The following CCDC77 variants were observed in gnomAD, a reference collection of about 807,000 sequenced individuals.
The protein encoded by CCDC77 is coiled-coil domain containing 77.
CCDC77 carries 56 observed loss-of-function variants against 66.8 expected under a neutral mutation model. The observed-to-expected ratio is 0.84, with a 90% CI of 0.68 to 1.05. The LOEUF (loss-of-function observed/expected upper bound fraction) is 1.05, where lower values mean the gene tolerates loss of function less well. Ranked by LOEUF, CCDC77 falls within the 50% of genes least tolerant of loss-of-function variation. The probability of loss-of-function intolerance (pLI) is 0.00; values close to 1 mark genes in which losing one functional copy is unlikely to be tolerated. For synonymous variants in CCDC77, 196 were observed against 195.2 expected (o/e 1.00, Z -0.03); for missense variants, 570 against 576.8 (o/e 0.99, Z 0.12).
chr12:417,684 G>A (rs941026916), intron 4 of CCDC77, among the ~76,000 whole-genome samples: 3 of 152,152 alleles, frequency 2.0e-5, no homozygotes, highest in Non-Finnish European at 4.4e-5. Context: ...GGAGGCCAAG[G>A]TGGGTGGATT....
intron 7 of CCDC77, 58 bp downstream of exon 7, chr12:430,794 G>C (rs1945634764): frequency 7.2e-7 from 1 of 1,398,000 alleles, no homozygotes; most frequent in Non-Finnish European, 1.0e-6. Context: ...AAATCACAGT[G>C]CAGGCTGGGC....
chr12:415,323 TC>T (rs1945208934), intron 4 of CCDC77, among the ~76,000 whole-genome samples: 2 of 85,506 alleles, frequency 2.3e-5, no homozygotes, highest in African/African-American at 4.5e-5. Flanking sequence ...GTTAATATAA[TC>T]AACATAATAT....
In CCDC77 at chr12:390,736, A is replaced by AGC. The variant is rs146102873; in HGVS notation, c.-113+1250_-113+1251insGC. ...AGTCCTTAAAATAAATATCTTTATA[A>AGC]ACACACACACACACACACACACACA... On this transcript the variant is annotated intron_variant, in intron 1 of 11. Coordinates refer to the CCDC77 transcript ENST00000422000. Among the ~76,000 whole-genome samples the AGC allele has an allele frequency of 3.2e-4, 48 of 149,462 alleles. No individual in the cohort carries two copies. The East Asian group carries it at 8.7e-3, about 27-fold the overall frequency.
At chr12:426,102 G>A (rs908246000) in intron 5 of CCDC77, among the ~76,000 whole-genome samples, 2 of 152,014 alleles carry the variant, frequency 1.3e-5, no homozygotes, top group Non-Finnish European at 2.9e-5. Flanking sequence ...CGACCTCGTG[G>A]TCCACCCGCC....
At chr12:428,442 C>T (rs989812628) in intron 5 of CCDC77, among the ~76,000 whole-genome samples, 24 of 132,174 alleles carry the variant, frequency 1.8e-4, no homozygotes, top group Admixed American at 6.4e-4. Flanking sequence ...ACCCGGCAGG[C>T]GGAGGTTGCA....
rs146269284 is a variant in CCDC77, at chr12:416,340, T to TG, written c.271-2149dup. On this transcript the variant is annotated intron_variant, in intron 4 of 12. Coordinates refer to ENST00000239830, the MANE Select transcript of CCDC77 (RefSeq NM_032358.4). ...GTGTGTGTGTGAGTCTGTGGGTGTG[T>TG]GGGGGTGTGTGTGTGTGTGTGTGTG... 1.9e-4 allele frequency among the ~76,000 whole-genome samples: 9 copies of TG among 48,280 alleles called. 1 individual carries two copies. The highest frequency in any genetic ancestry group is 4.6e-4 in the African/African-American group (8 of 17,368). The allele number at this position is 48,280 out of a possible 152,430, so 31.7% of individuals were successfully genotyped here.
At chr12:440,804 C>T (rs781704314) in intron 11 of CCDC77, 40 bp from the exon 12 acceptor site, 1 of 1,612,980 alleles carries the variant, frequency 6.2e-7, no homozygotes, top group Non-Finnish European at 8.5e-7. Context: ...GAAGACGCTT[C>T]CCTCACCTTC....
chr12:441,142 A>C lies in CCDC77; in HGVS notation c.1320+146A>C, dbSNP rs181444650. The C allele has an allele frequency of 1.6e-4, 135 of 825,468 alleles. No individual in the cohort carries two copies. In the East Asian group the frequency reaches 2.0e-3, roughly 12 times the overall value. The allele number at this position is 825,468 out of a possible 1,614,324, so 51.1% of individuals were successfully genotyped here. On this transcript the variant is annotated intron_variant, in intron 12 of 12. Coordinates refer to ENST00000239830, the MANE Select transcript of CCDC77 (RefSeq NM_032358.4). Reference sequence around the variant, plus strand: ...CCATCTTCAAGCCTCCCTGAAAATTAGTTCAAGAACATGCTAGAGGGAAAA... The same window carrying C: ...CCATCTTCAAGCCTCCCTGAAAATTCGTTCAAGAACATGCTAGAGGGAAAA...
intron 6 of CCDC77, 23 bp from the exon 7 acceptor site, chr12:430,640 CA>C: frequency 6.3e-7 from 1 of 1,579,744 alleles, no homozygotes; most frequent in South Asian, 1.1e-5. Context: ...AAGGCTACTT[CA>C]ATACCAGTTT....
intron 2 of CCDC77, among the ~76,000 whole-genome samples, chr12:408,414 T>C (rs995297353): frequency 6.6e-6 from 1 of 152,200 alleles, no homozygotes; most frequent in Admixed American, 6.5e-5. Context: ...TAATTTTTTT[T>C]CTTTTGCTTA....
chr12:433,862 C>T (rs1009283366), intron 9 of CCDC77, among the ~76,000 whole-genome samples: 5 of 152,018 alleles, frequency 3.3e-5, no homozygotes, highest in Non-Finnish European at 7.4e-5. Flanking sequence ...AAATTTTTGT[C>T]CCAAGAAAGG....
At chr12:415,526 AATT>A (rs1033957364) in intron 4 of CCDC77, among the ~76,000 whole-genome samples, 1 of 147,680 alleles carries the variant, frequency 6.8e-6, no homozygotes, top group Non-Finnish European at 1.5e-5. Context: ...ATATTAACAT[AATT>A]ATTAACATAA....
At chr12:401,498 C>T (rs550291374), upstream of CCDC77, 2 of 152,396 alleles carry the variant, frequency 1.3e-5, no homozygotes, top group Admixed American at 6.5e-5. Context: ...GTCGGGAGCA[C>T]CGCGAGGAGG....
chr12:409,277 G>T, intron 2 of CCDC77, 91 bp from the exon 3 acceptor site: 1 of 807,632 alleles, frequency 1.2e-6, no homozygotes, highest in African/African-American at 1.8e-5. Flanking sequence ...AAGCAAATAT[G>T]ATGATGTTGA....
chr12:393,332 T>C (rs1354285414), intron 1 of CCDC77, among the ~76,000 whole-genome samples: 1 of 152,100 alleles, frequency 6.6e-6, no homozygotes, highest in African/African-American at 2.4e-5. Context: ...CAGACTGATC[T>C]CAAACTCCTG....
rs146339292 is a variant in CCDC77, at chr12:403,914, G to T, written c.-70-1597G>T. 3.0e-3 allele frequency among the ~76,000 whole-genome samples: 451 copies of T among 152,270 alleles called. 1 individual carries two copies. The highest frequency in any genetic ancestry group is 0.01 in the African/African-American group (430 of 41,552). On this transcript the variant is annotated intron_variant, in intron 1 of 12. Coordinates refer to ENST00000239830, the MANE Select transcript of CCDC77 (RefSeq NM_032358.4). The stretch of plus-strand genomic sequence containing the variant: ...GAAGTGATCCTCGCACCAAGCAGGT[G>T]GGACTACATTGCCACTGTGCCCAGC...
At chr12:425,650 G>A (rs537905274) in intron 5 of CCDC77, among the ~76,000 whole-genome samples, 6 of 151,932 alleles carry the variant, frequency 3.9e-5, no homozygotes, top group South Asian at 2.1e-4. Context: ...TCTTTACATC[G>A]GAGGGAATAT....
In CCDC77 at chr12:440,785, A is replaced by G. The variant is rs1322179465; in HGVS notation, c.1167+43A>G. On this transcript the variant is annotated intron_variant, in intron 11 of 12. Transcript: ENST00000239830. ...ACTTGTAATGGAATAGGAAGTGCAG[A>G]TGGCTGGGGAAGACGCTTCCCTCAC... The G allele has an allele frequency of 3.1e-6, 5 of 1,613,264 alleles. No individual in the cohort carries two copies. The African/African-American group carries it at 6.7e-5, about 22-fold the overall frequency.
At chr12:400,992 T>C (rs1286111212), upstream of CCDC77, among the ~76,000 whole-genome samples, 3 of 152,204 alleles carry the variant, frequency 2.0e-5, no homozygotes, top group African/African-American at 7.2e-5. Flanking sequence ...AGCTTTTCCA[T>C]ACCAGTAGCT....
Sources: allele counts gnomAD v4.1 joint callset (sites outside exome capture counted in the v4.1 genomes callset), GRCh38; gene constraint gnomAD v4.1.1; transcripts MANE v1.5; gene names NCBI Gene and HGNC (gene_info 2026-07-23, HGNC 2026-07-21).